ACOT12: variants seen among roughly 807,000 people sequenced by gnomAD.
ACOT12 encodes the protein acyl-CoA thioesterase 12, also known as acetyl-coenzyme A thioesterase.
A neutral mutation model predicts 67.7 loss-of-function variants in ACOT12; 51 were observed. That is an observed-to-expected ratio of 0.75 (90% confidence interval 0.60 to 0.95). The LOEUF (loss-of-function observed/expected upper bound fraction) is 0.95, where lower values mean the gene tolerates loss of function less well. ACOT12 is among the 40% of genes least tolerant of loss of function. The pLI is 0.00. For missense variants in ACOT12, 734 were observed against 708.1 expected (o/e 1.04, Z -0.41); for synonymous variants, 251 against 244.6 (o/e 1.03, Z -0.24).
At chr5:81,354,717 T>G (rs1580555697) in intron 5 of ACOT12, among the ~76,000 whole-genome samples, 1 of 148,200 alleles carries the variant, frequency 6.7e-6, no homozygotes, top group Non-Finnish European at 1.5e-5. Context: ...TTTTTTTTTA[T>G]TTTTGAGTCA....
At chr5:81,325,489 A>G (rs1758652207), downstream of ACOT12, among the ~76,000 whole-genome samples, 1 of 152,198 alleles carries the variant, frequency 6.6e-6, no homozygotes, top group Non-Finnish European at 1.5e-5. Context: ...GAATGAAAGG[A>G]CAGAGGTGCA....
At chr5:81,312,509 T>TA in the ACOT12 span, 1 of 1,546,426 alleles carries the variant, frequency 6.5e-7, no homozygotes, top group Non-Finnish European at 8.9e-7. Flanking sequence ...TGATTACTGT[T>TA]TTTCTAACAT....
chr5:81,317,323 G>A, the ACOT12 span, among the ~76,000 whole-genome samples: 68 of 152,156 alleles, frequency 4.5e-4, no homozygotes, highest in South Asian at 1.0e-3. Flanking sequence ...CCAACATGGC[G>A]AAACCCCGAC....
chr5:81,318,907 G>C, the ACOT12 span, among the ~76,000 whole-genome samples: 1 of 152,178 alleles, frequency 6.6e-6, no homozygotes, highest in Non-Finnish European at 1.5e-5. Flanking sequence ...AACAGTGATA[G>C]TTTTCTGGGG....
intron 3 of ACOT12, among the ~76,000 whole-genome samples, chr5:81,364,365 A>G (rs1380563905): frequency 6.6e-6 from 1 of 151,954 alleles, no homozygotes; most frequent in East Asian, 1.9e-4. Context: ...GACATGAAAT[A>G]CGTGTGTGTA....
chr5:81,331,795 G>T (rs1004910451), intron 13 of ACOT12, among the ~76,000 whole-genome samples: 1 of 152,144 alleles, frequency 6.6e-6, no homozygotes, highest in Non-Finnish European at 1.5e-5. Context: ...ACTACAATTT[G>T]ATTTTTCATT....
intron 2 of ACOT12, among the ~76,000 whole-genome samples, chr5:81,382,420 T>C (rs1580593856): frequency 6.6e-6 from 1 of 152,280 alleles, no homozygotes; most frequent in Middle Eastern, 3.4e-3. Context: ...ACCTTTAACT[T>C]TGGGCTTTTG....
chr5:81,388,811 T>C (rs965434515), intron 1 of ACOT12, among the ~76,000 whole-genome samples: 2 of 152,142 alleles, frequency 1.3e-5, no homozygotes, highest in East Asian at 1.9e-4. Flanking sequence ...AATTGAATCA[T>C]GGGGGCAGGT....
chr5:81,331,242 TA>T (rs1758812640), intron 13 of ACOT12, among the ~76,000 whole-genome samples: 1 of 152,174 alleles, frequency 6.6e-6, no homozygotes, highest in South Asian at 2.1e-4. Flanking sequence ...CTTTCCTTTT[TA>T]AATTAAAAAA....
Position 81,331,088 on chromosome 5 carries a change from C to T in ACOT12, c.1392-148G>A, listed in dbSNP as rs76161994. The T allele has an allele frequency of 2.0e-5, 18 of 886,646 alleles. No homozygotes were observed. The East Asian group carries it at 2.8e-4, about 14-fold the overall frequency. The allele number at this position is 886,646 out of a possible 1,614,324, so 54.9% of individuals were successfully genotyped here. A position where few individuals can be genotyped will look rare whatever the true frequency, so the allele number is the denominator to read the frequency against. On this transcript the variant is annotated intron_variant, in intron 13 of 14. Transcript: ENST00000307624. ...CTAGAAGAGTGGTCTCATCAGAAAACACTCTACAGGCTACCTTCAAGGTAG... is the reference window on the plus strand; with the variant it reads ...CTAGAAGAGTGGTCTCATCAGAAAATACTCTACAGGCTACCTTCAAGGTAG...
At chr5:81,347,458 G>C (rs1561329835) in intron 6 of ACOT12, among the ~76,000 whole-genome samples, 1 of 152,080 alleles carries the variant, frequency 6.6e-6, no homozygotes, top group Non-Finnish European at 1.5e-5. Context: ...TTTCTGTTCT[G>C]CATTTACTTT....
chr5:81,350,413 C>T (rs771933513), intron 5 of ACOT12, among the ~76,000 whole-genome samples: 1 of 152,182 alleles, frequency 6.6e-6, no homozygotes, highest in Non-Finnish European at 1.5e-5. Flanking sequence ...TAAGCCTCTT[C>T]ATCTTACTTG....
Position 81,393,983 on chromosome 5 carries a change from C to T in ACOT12, c.127+5G>A. 7.4e-7 allele frequency: 1 copy of T among 1,357,670 alleles called. No homozygotes were observed. The highest frequency in any genetic ancestry group is 3.2e-5 in the East Asian group (1 of 31,720). The allele number at this position is 1,357,670 out of a possible 1,614,324, so 84.1% of individuals were successfully genotyped here. ...CGCCTCCCCGCAGCCCCGGCGCCCG[C>T]CTACCCGCCAGGCAGGCGGTGGTGT... On this transcript the variant is annotated splice_donor_5th_base_variant and intron_variant, in intron 1 of 14. Coordinates refer to ENST00000307624, the MANE Select transcript of ACOT12 (RefSeq NM_130767.3).
At chr5:81,342,802 G>C in intron 10 of ACOT12, 47 bp from the exon 11 acceptor site, 1 of 1,568,742 alleles carries the variant, frequency 6.4e-7, no homozygotes, top group South Asian at 1.1e-5. Flanking sequence ...TCAATACATG[G>C]ATGTGTGATC....
At chr5:81,327,629 C>T (rs867550518), downstream of ACOT12, among the ~76,000 whole-genome samples, 1 of 152,114 alleles carries the variant, frequency 6.6e-6, no homozygotes, top group African/African-American at 2.4e-5. Context: ...TTAGTAAAGA[C>T]GGGGTTTCAC....
intron 6 of ACOT12, among the ~76,000 whole-genome samples, chr5:81,347,544 G>A (rs1263659151): frequency 6.6e-6 from 1 of 152,198 alleles, no homozygotes; most frequent in African/African-American, 2.4e-5. Flanking sequence ...TATTAAAACT[G>A]TCATCTCATT....
At chr5:81,321,971 A>G in the ACOT12 span, among the ~76,000 whole-genome samples, 1 of 149,908 alleles carries the variant, frequency 6.7e-6, no homozygotes, top group Non-Finnish European at 1.5e-5. Context: ...GGTGAACAGA[A>G]CACTGAACTG....
chr5:81,326,949 T>C (rs951078512), downstream of ACOT12, among the ~76,000 whole-genome samples: 5 of 152,208 alleles, frequency 3.3e-5, no homozygotes, highest in African/African-American at 1.2e-4. Flanking sequence ...TAATAGTTCT[T>C]ATTTTAATAA....
At chr5:81,321,857 G>T in the ACOT12 span, among the ~76,000 whole-genome samples, 1 of 152,172 alleles carries the variant, frequency 6.6e-6, no homozygotes, top group African/African-American at 2.4e-5. Flanking sequence ...TGAGGCACAA[G>T]AATTGCTTGA....
Sources: allele counts gnomAD v4.1 joint callset (sites outside exome capture counted in the v4.1 genomes callset), GRCh38; gene constraint gnomAD v4.1.1; transcripts MANE v1.5; gene names NCBI Gene and HGNC (gene_info 2026-07-23, HGNC 2026-07-21).